The following SSH3 variants were observed in gnomAD, a reference collection of about 807,000 sequenced individuals.
SSH3 encodes the protein protein phosphatase Slingshot homolog 3.
A neutral mutation model predicts 75.0 loss-of-function variants in SSH3; 67 were observed. The ratio of observed to expected loss-of-function variants is 0.89; its 90% CI spans 0.73 to 1.10. SSH3 has a LOEUF of 1.10. Among genes scored for constraint, SSH3 ranks in the 50% least tolerant of loss-of-function variants. The probability of loss-of-function intolerance (pLI) is 0.00; values close to 1 mark genes in which losing one functional copy is unlikely to be tolerated. For synonymous variants in SSH3, 318 were observed against 349.2 expected (o/e 0.91, Z 1.00); for missense variants, 824 against 872.7 (o/e 0.94, Z 0.70).
intron 11 of SSH3, 87 bp from the exon 12 acceptor site, chr11:67,309,681 G>GT: frequency 2.5e-6 from 4 of 1,588,706 alleles, no homozygotes; most frequent in Non-Finnish European, 3.4e-6. Context: ...CTCTCAGTTG[G>GT]TTGTGAGCCC....
intron 11 of SSH3, 49 bp from the exon 12 acceptor site, chr11:67,309,719 G>T: frequency 6.2e-7 from 1 of 1,604,722 alleles, no homozygotes. Flanking sequence ...GCAGGAGGCG[G>T]GATCCTTCAT....
rs753368550 is a variant in SSH3 at position 67,303,561 on chromosome 11, C to G, written c.-65C>G. 3 of 1,479,606 alleles carry G rather than the reference C, an allele frequency of 2.0e-6. No homozygotes were observed. Among genetic ancestry groups the G allele is most frequent in the Admixed American group, 4.0e-5 (2 of 49,584 alleles). 91.7% of individuals were successfully genotyped at this position (1,479,606 alleles called of 1,614,324 possible). ...CCTTCCTGGTCCTGCGGGTCCAGGACTGTCCGCGGGGTTGAGGGAAGGGGC... is the reference window on the plus strand; with the variant it reads ...CCTTCCTGGTCCTGCGGGTCCAGGAGTGTCCGCGGGGTTGAGGGAAGGGGC... On this transcript the variant is annotated 5_prime_UTR_variant, in exon 1 of 14. Coordinates refer to ENST00000308127, the MANE Select transcript of SSH3 (RefSeq NM_017857.4).
chr11:67,309,233 C>A, intron 10 of SSH3, 164 bp from the exon 11 acceptor site: 1 of 824,528 alleles, frequency 1.2e-6, no homozygotes. Context: ...GGTCTAAGGT[C>A]GCAGCCAGGT....
rs772253201 is a variant in SSH3, at chr11:67,308,139, G to T, written c.886-35G>T. On this transcript the variant is annotated intron_variant, in intron 8 of 13. Coordinates refer to ENST00000308127, the MANE Select transcript of SSH3 (RefSeq NM_017857.4). This position sits in a 1 kb window ranked among gnomAD's most constrained non-coding sequence, Gnocchi z 4.9. ...AGGTGGCAGGTTGGGCACTAGGAGAGCCCCAGCCTCTCTTGCCCTGGGCTC... is the reference window on the plus strand; with the variant it reads ...AGGTGGCAGGTTGGGCACTAGGAGATCCCCAGCCTCTCTTGCCCTGGGCTC... The T allele has an allele frequency of 1.2e-6, 2 of 1,603,390 alleles. No homozygotes were observed. The highest frequency in any genetic ancestry group is 1.7e-5 in the Admixed American group (1 of 59,366).
rs1476249423 is a variant in SSH3, at chr11:67,311,635, C to T, written c.1728C>T (p.Pro576=). Residue 576 remains proline (P), a synonymous_variant, in exon 14 of 14, where the codon CCC becomes CCT. Transcript: ENST00000308127. The part of the protein sequence containing the change: ...HESSHEEPLQ[P]FPQLARTKGG... ...CTTCACATGAAGAGCCTCTGCAGCC[C>T]TTCCCACAGCTTGCAAGGACCAAGG... is the stretch of plus-strand genomic sequence containing the variant. The T allele has an allele frequency of 2.5e-6, 4 of 1,614,026 alleles. No homozygotes were observed. In the African/African-American group the frequency reaches 5.3e-5, roughly 22 times the overall value.
rs1199835840 is a variant in SSH3, at chr11:67,305,149, C to T, written c.339+142C>T. On this transcript the variant is annotated intron_variant, in intron 3 of 13. Coordinates refer to ENST00000308127, the MANE Select transcript of SSH3 (RefSeq NM_017857.4). ...GGGGAGTGTTGGGGTTACCCATATC[C>T]CAGTGACCCTGCTGTTTCAGGCAGA... 5 of 734,640 alleles carry T rather than the reference C, an allele frequency of 6.8e-6. No homozygotes were observed. The Admixed American group carries it at 1.2e-4, about 17-fold the overall frequency. 45.5% of individuals were successfully genotyped at this position (734,640 alleles called of 1,614,324 possible). A position where few individuals can be genotyped will look rare whatever the true frequency, so the allele number is the denominator to read the frequency against.
chr11:67,309,728 A>T, intron 11 of SSH3, 40 bp from the exon 12 acceptor site: 1 of 1,607,212 alleles, frequency 6.2e-7, no homozygotes, highest in Non-Finnish European at 8.5e-7. Context: ...GGGATCCTTC[A>T]TGGTGAGGGG....
chr11:67,309,262 C>T, intron 10 of SSH3, 135 bp from the exon 11 acceptor site: 1 of 1,118,282 alleles, frequency 8.9e-7, no homozygotes, highest in South Asian at 1.5e-5. Context: ...GGTCACTTCT[C>T]CTCCCACTGT....
chr11:67,303,596 T>C lies in SSH3; in HGVS notation c.-30T>C. 6.6e-7 allele frequency: 1 copy of C among 1,516,942 alleles called. No individual in the cohort carries two copies. Among genetic ancestry groups the C allele is most frequent in the Non-Finnish European group, 8.8e-7 (1 of 1,138,572 alleles). The allele number at this position is 1,516,942 out of a possible 1,614,324, so 94.0% of individuals were successfully genotyped here. On this transcript the variant is annotated 5_prime_UTR_variant, in exon 1 of 14. Transcript: ENST00000308127. ...GGTTGAGGGAAGGGGCCGTGCCCGG[T>C]GCCAGCCCAGGTGCTCGCGGCCTGG...
rs149465975 is a variant in SSH3 at position 67,307,712 on chromosome 11, C to T, written c.766C>T (p.Arg256Trp). Reference protein sequence around the residue: ...WTAMADLESLRPPSAEPGGSS... With the variant: ...WTAMADLESLWPPSAEPGGSS... ...GGCTATGGCCGACCTGGAGTCTCTG[C>T]GGCCTCCCAGCGCCGAGCCTGGCGG... Residue 256 changes from arginine (R) to tryptophan (W), a missense_variant, in exon 7 of 14, where the codon CGG becomes TGG. Physicochemically the swap from Arg to Trp is moderately radical, Grantham distance 101. Coordinates refer to ENST00000308127, the MANE Select transcript of SSH3 (RefSeq NM_017857.4). The surrounding 1 kb of genome is among the most constrained non-coding windows in gnomAD (Gnocchi z 4.2). The T allele has an allele frequency of 9.9e-6, 16 of 1,613,948 alleles. No individual in the cohort carries two copies. The highest frequency in any genetic ancestry group is 5.0e-5 in the Admixed American group (3 of 60,024).
In SSH3 at chr11:67,303,691, G is replaced by A; in HGVS notation, c.66G>A (p.Trp22Ter). The change falls in exon 1 of 14, where the codon TGG becomes TGA. Residue 22 changes from tryptophan to a stop codon, truncating the protein, a stop_gained and splice_region_variant. Transcript: ENST00000308127. LOFTEE classifies it high-confidence loss of function. ...GCGCCTCCACGCCCGTGGGGCCCTGGGTGAGTGTGGTCCGGCCGTGGTGCC... is the reference window on the plus strand; with the variant it reads ...GCGCCTCCACGCCCGTGGGGCCCTGAGTGAGTGTGGTCCGGCCGTGGTGCC... ...GSGASTPVGPWDQAVQRRSRL... is the reference protein window; with the variant it reads ...GSGASTPVGP The A allele has an allele frequency of 6.6e-7, 1 of 1,505,384 alleles. No individual in the cohort carries two copies. Among genetic ancestry groups the A allele is most frequent in the Non-Finnish European group, 8.8e-7 (1 of 1,133,758 alleles). The allele number at this position is 1,505,384 out of a possible 1,614,324, so 93.3% of individuals were successfully genotyped here.
At chr11:67,305,060 G>A in intron 3 of SSH3, 53 bp downstream of exon 3, 2 of 1,521,362 alleles carry the variant, frequency 1.3e-6, no homozygotes, top group Non-Finnish European at 1.8e-6. Context: ...ACGCCTGAGG[G>A]CAGAATGGAG....
chr11:67,309,133 C>A (rs1444479187), intron 10 of SSH3: 3 of 498,800 alleles, frequency 6.0e-6, no homozygotes, highest in African/African-American at 3.9e-5. Context: ...TTCTCTAACT[C>A]ATTTCTGAGA....
rs750413460 is a variant in SSH3 at position 67,307,731 on chromosome 11, C to G, written c.785C>G (p.Pro262Arg). ...LESLRPPSAEPGGSSEQEQME... is the reference protein window; with the variant it reads ...LESLRPPSAERGGSSEQEQME... The stretch of plus-strand genomic sequence containing the variant: ...TCTCTGCGGCCTCCCAGCGCCGAGC[C>G]TGGCGGGTCAGTGTGTGGAGGGGAG... Residue 262 changes from proline to arginine, a missense_variant, in exon 7 of 14, where the codon CCT becomes CGT. Coordinates refer to ENST00000308127, the MANE Select transcript of SSH3 (RefSeq NM_017857.4). This position sits in a 1 kb window ranked among gnomAD's most constrained non-coding sequence, Gnocchi z 4.2. The G allele has an allele frequency of 2.5e-6, 4 of 1,613,794 alleles. No homozygotes were observed. The highest frequency in any genetic ancestry group is 1.1e-5 in the South Asian group (1 of 91,086).
intron 13 of SSH3, among the ~76,000 whole-genome samples, chr11:67,311,263 C>T (rs931030836): frequency 1.1e-4 from 16 of 152,162 alleles, no homozygotes; most frequent in African/African-American, 1.7e-4. Flanking sequence ...CGGCTGCCTA[C>T]GCAAAGGCAG....
chr11:67,308,410 A>G lies in SSH3; in HGVS notation c.1015-2A>G. 6.2e-7 allele frequency: 1 copy of G among 1,612,652 alleles called. No individual in the cohort carries two copies. Among genetic ancestry groups the G allele is most frequent in the Non-Finnish European group, 8.5e-7 (1 of 1,179,342 alleles). On this transcript the variant is annotated splice_acceptor_variant, in intron 9 of 13. Transcript: ENST00000308127. LOFTEE classifies it high-confidence loss of function. The surrounding 1 kb of genome is among the most constrained non-coding windows in gnomAD (Gnocchi z 4.9). ...AGAAATGTGCTGTTCCCTCTCTCCC[A>G]GGGCTCAGAGTGGAACGCAGCAAAC... is the stretch of plus-strand genomic sequence containing the variant.
Position 67,309,953 on chromosome 11 carries a change from G to A in SSH3, c.1394G>A (p.Gly465Asp). 6 of 1,610,148 alleles carry A rather than the reference G, an allele frequency of 3.7e-6. No homozygotes were observed. Among genetic ancestry groups the A allele is most frequent in the Non-Finnish European group, 5.1e-6 (6 of 1,179,998 alleles). ...GFLRQLQIYQ[G>D]ILTASRQSHV... The stretch of plus-strand genomic sequence containing the variant: ...CTGCGCCAGCTGCAGATCTACCAGG[G>A]CATCCTGACGGCCAGGTATGGGATG... The change falls in exon 12 of 14, where the codon GGC becomes GAC. Residue 465 changes from glycine (G) to aspartate (D), a missense_variant. By Grantham distance (94) the Gly-to-Asp change is moderately conservative. Coordinates refer to ENST00000308127, the MANE Select transcript of SSH3 (RefSeq NM_017857.4).
At chr11:67,303,879 G>A in intron 1 of SSH3, 188 bp downstream of exon 1, 2 of 753,260 alleles carry the variant, frequency 2.7e-6, no homozygotes, top group Non-Finnish European at 4.0e-6. Flanking sequence ...AGCCCTGCGC[G>A]CCGCCCGGGC....
In SSH3 at chr11:67,308,455, AC is replaced by A; in HGVS notation, c.1059del (p.Asn353LysfsTer7). On this transcript the variant is annotated frameshift_variant and splice_region_variant, in exon 10 of 14. Coordinates refer to ENST00000308127, the MANE Select transcript of SSH3 (RefSeq NM_017857.4). This position sits in a 1 kb window ranked among gnomAD's most constrained non-coding sequence, Gnocchi z 4.9. ...NAANLEELQR[N>X]RVTHILNMAR... is the part of the protein sequence containing the mutation. The stretch of plus-strand genomic sequence containing the variant: ...GCAAACCTGGAGGAGCTGCAGAGGA[AC>A]AGGTAGGGCTATGAGCCCCTCGGGC... 6.3e-7 allele frequency: 1 copy of A among 1,592,902 alleles called. No homozygotes were observed. The highest frequency in any genetic ancestry group is 2.3e-5 in the East Asian group (1 of 43,610).
Sources: allele counts gnomAD v4.1 joint callset (sites outside exome capture counted in the v4.1 genomes callset), GRCh38; gene constraint gnomAD v4.1.1; non-coding constraint Gnocchi (gnomAD v3.1); transcripts MANE v1.5; gene names NCBI Gene and HGNC (gene_info 2026-07-23, HGNC 2026-07-21).